The following ABCB4 variants were observed in gnomAD, a reference collection of about 807,000 sequenced individuals.
ABCB4 encodes the protein phosphatidylcholine translocator ABCB4.
Under a neutral mutation model 145.7 loss-of-function variants are expected in ABCB4, and 76 were observed. The observed-to-expected ratio is 0.52, with a 90% confidence interval of 0.43 to 0.63. The LOEUF (loss-of-function observed/expected upper bound fraction) is 0.63. ABCB4 is among the 30% of genes least tolerant of loss of function. ABCB4 has a pLI of 0.00. For synonymous variants in ABCB4, 517 were observed against 566.8 expected (o/e 0.91, Z 1.25); for missense variants, 1,234 against 1,553.1 (o/e 0.79, Z 3.45).
chr7:87,406,856 C>T (rs1156549089), intron 25 of ABCB4, among the ~76,000 whole-genome samples: 1 of 152,212 alleles, frequency 6.6e-6, no homozygotes, highest in African/African-American at 2.4e-5. Flanking sequence ...TAACCCTTCA[C>T]CTTGACTTGA....
At chr7:87,381,320 C>T in the ABCB4 span, among the ~76,000 whole-genome samples, 3 of 152,170 alleles carry the variant, frequency 2.0e-5, no homozygotes, top group African/African-American at 7.2e-5. Context: ...CAATTTCTTT[C>T]TCTAAATACA....
rs1809650455 is a variant in ABCB4, at chr7:87,424,175, G to A, written c.2065-123C>T. The A allele has an allele frequency of 4.5e-6, 5 of 1,113,014 alleles. No homozygotes were observed. In the East Asian group the frequency reaches 9.4e-5, roughly 21 times the overall value. The allele number at this position is 1,113,014 out of a possible 1,614,324, so 68.9% of individuals were successfully genotyped here. A position where few individuals can be genotyped will look rare whatever the true frequency, so the allele number is the denominator to read the frequency against. Reference sequence around the variant, plus strand: ...GCAAACTAGGTGCAGAGAATGACAAGCAAACTACTAGAGAGTAGGACAGTA... The same window carrying A: ...GCAAACTAGGTGCAGAGAATGACAAACAAACTACTAGAGAGTAGGACAGTA... On this transcript the variant is annotated intron_variant, in intron 16 of 27. Transcript: ENST00000649586.
At chr7:87,404,691 A>G (rs1001108384) in intron 26 of ABCB4, among the ~76,000 whole-genome samples, 5 of 152,114 alleles carry the variant, frequency 3.3e-5, no homozygotes, top group African/African-American at 1.2e-4. Context: ...TAAAAATCCA[A>G]TTAGAATATG....
chr7:87,378,286 C>T, the ABCB4 span, among the ~76,000 whole-genome samples: 4 of 142,910 alleles, frequency 2.8e-5, no homozygotes, highest in African/African-American at 5.2e-5. Context: ...GTTGAGGGTG[C>T]AGTGAACAGT....
chr7:87,459,175 A>G (rs959786116), intron 4 of ABCB4, among the ~76,000 whole-genome samples: 1 of 152,226 alleles, frequency 6.6e-6, no homozygotes, highest in Non-Finnish European at 1.5e-5. Context: ...AAAGTTTACC[A>G]TGTTAACTAT....
At chr7:87,420,667 CTATT>C (rs2116497760) in intron 18 of ABCB4, among the ~76,000 whole-genome samples, 1 of 152,256 alleles carries the variant, frequency 6.6e-6, no homozygotes, top group South Asian at 2.1e-4. Context: ...TGTATGTTAA[CTATT>C]TAAATAACAA....
chr7:87,443,596 T>G (rs1487194250), intron 11 of ABCB4, 67 bp downstream of exon 11: 1 of 1,539,750 alleles, frequency 6.5e-7, no homozygotes, highest in Admixed American at 1.7e-5. Flanking sequence ...TAATAGAGAC[T>G]TTATTCTTTA....
chr7:87,382,367 C>G, the ABCB4 span: 1 of 1,594,076 alleles, frequency 6.3e-7, no homozygotes, highest in African/African-American at 1.3e-5. Context: ...TTGGTGTATT[C>G]TCCTTAGGTG....
intron 25 of ABCB4, among the ~76,000 whole-genome samples, chr7:87,406,987 C>T (rs1808245945): frequency 6.6e-6 from 1 of 152,182 alleles, no homozygotes; most frequent in African/African-American, 2.4e-5. Flanking sequence ...CTTAACTTTC[C>T]CTCACCTCTC....
chr7:87,366,538 TC>T, the ABCB4 span, among the ~76,000 whole-genome samples: 1 of 152,212 alleles, frequency 6.6e-6, no homozygotes, highest in African/African-American at 2.4e-5. Flanking sequence ...GGCTCTCATT[TC>T]CTTCAGTTTA....
At chr7:87,426,279 T>C (rs1331359292) in intron 16 of ABCB4, among the ~76,000 whole-genome samples, 1 of 152,200 alleles carries the variant, frequency 6.6e-6, no homozygotes, top group Non-Finnish European at 1.5e-5. Flanking sequence ...CTATGGGGAC[T>C]GTGGAGCTAC....
At chr7:87,467,037 C>T (rs527674224) in intron 3 of ABCB4, among the ~76,000 whole-genome samples, 90 of 152,146 alleles carry the variant, frequency 5.9e-4, no homozygotes, top group Middle Eastern at 3.4e-3. Flanking sequence ...AGGATCAAAT[C>T]CACACATAAC....
chr7:87,382,004 A>G, the ABCB4 span: 1 of 1,593,724 alleles, frequency 6.3e-7, no homozygotes, highest in Non-Finnish European at 8.6e-7. Flanking sequence ...GTATGTTTGA[A>G]TAAATATTTC....
chr7:87,412,301 A>G (rs980645407), intron 22 of ABCB4, among the ~76,000 whole-genome samples: 1 of 152,224 alleles, frequency 6.6e-6, no homozygotes, highest in Non-Finnish European at 1.5e-5. Context: ...ATTATTACAT[A>G]TTAATATCTG....
intron 10 of ABCB4, 28 bp downstream of exon 10, chr7:87,444,834 T>A (rs373841059): frequency 1.3e-6 from 2 of 1,542,052 alleles, no homozygotes; most frequent in Non-Finnish European, 1.8e-6. Flanking sequence ...AAAGACTTCT[T>A]TTGGCACTAA....
chr7:87,437,939 A>G (rs1584737462), intron 14 of ABCB4, among the ~76,000 whole-genome samples: 1 of 152,258 alleles, frequency 6.6e-6, no homozygotes, highest in African/African-American at 2.4e-5. Context: ...ACGAAGAAAC[A>G]GCTAAAATTG....
chr7:87,369,423 C>T, the ABCB4 span: 31 of 1,612,938 alleles, frequency 1.9e-5, no homozygotes, highest in Non-Finnish European at 2.4e-5. Context: ...GTGTCGAGGC[C>T]GAGCTTTTGT....
intron 14 of ABCB4, among the ~76,000 whole-genome samples, chr7:87,431,845 T>C (rs1810261210): frequency 6.6e-6 from 1 of 152,198 alleles, no homozygotes; most frequent in Admixed American, 6.5e-5. Flanking sequence ...AAATAAGGGT[T>C]TGATCCTTCT....
intron 2 of ABCB4, among the ~76,000 whole-genome samples, chr7:87,475,017 A>T (rs1004817280): frequency 1.3e-5 from 2 of 152,158 alleles, no homozygotes; most frequent in African/African-American, 4.8e-5. Context: ...GATGTCTGAC[A>T]CCCTTTAAGT....
Sources: allele counts gnomAD v4.1 joint callset (sites outside exome capture counted in the v4.1 genomes callset), GRCh38; gene constraint gnomAD v4.1.1; transcripts MANE v1.5; gene names NCBI Gene and HGNC (gene_info 2026-07-23, HGNC 2026-07-21).